The following SYNPO2 variants were observed in gnomAD, a reference collection of about 807,000 sequenced individuals.
The protein encoded by SYNPO2 is synaptopodin 2.
In SYNPO2, 56 loss-of-function variants were observed where a neutral mutation model predicts 85.0. The ratio of observed to expected loss-of-function variants is 0.66; its 90% CI spans 0.53 to 0.82. The LOEUF (loss-of-function observed/expected upper bound fraction) is 0.82. Ranked by LOEUF, SYNPO2 falls within the 40% of genes least tolerant of loss-of-function variation. SYNPO2 has a pLI of 0.00. For synonymous variants in SYNPO2, 602 were observed against 591.1 expected (o/e 1.02, Z -0.27); for missense variants, 1,575 against 1,534.2 (o/e 1.03, Z -0.44).
chr4:118,978,861 AC>A (rs1358485877), intron 1 of SYNPO2, among the ~76,000 whole-genome samples: 1 of 151,702 alleles, frequency 6.6e-6, no homozygotes. Flanking sequence ...AGTGCCTGTA[AC>A]CTTTTTATGT....
Position 118,995,479 on chromosome 4 carries a change from T to A in SYNPO2, c.106-27951T>A, listed in dbSNP as rs1156726726. Among the ~76,000 whole-genome samples, 3 of 152,212 alleles carry A rather than the reference T, an allele frequency of 2.0e-5. No homozygotes were observed. The East Asian group carries it at 5.8e-4, about 29-fold the overall frequency. ...AAGATAGGCATATTATTTCCAATTT[T>A]ACAAATGAGAAAAACCAAAGTTTGT... On this transcript the variant is annotated intron_variant, in intron 1 of 4. Coordinates refer to ENST00000307142, the MANE Select transcript of SYNPO2 (RefSeq NM_133477.3).
At position 119,023,525 on chromosome 4, in the gene SYNPO2, T is replaced by G. The variant is rs1737820071; in HGVS notation, c.201T>G (p.Pro67=). The G allele has an allele frequency of 4.3e-6, 7 of 1,613,680 alleles. No individual in the cohort carries two copies. Among genetic ancestry groups the G allele is most frequent in the Non-Finnish European group, 5.9e-6 (7 of 1,179,796 alleles). ...NGNPCADLTY[P]EVIKLMESIT... is the part of the protein sequence containing the mutation. ...ACCCTTGTGCAGATCTCACCTACCC[T>G]GAAGTCATCAAGCTCATGGAAAGCA... The change falls in exon 2 of 5, where the codon CCT becomes CCG. Residue 67 remains proline, a synonymous_variant. Coordinates refer to ENST00000307142, the MANE Select transcript of SYNPO2 (RefSeq NM_133477.3).
chr4:118,857,706 C>A (rs1731530526), intron 1 of SYNPO2, among the ~76,000 whole-genome samples: 1 of 152,200 alleles, frequency 6.6e-6, no homozygotes, highest in East Asian at 1.9e-4. Flanking sequence ...TAAGTTTGTA[C>A]TTAATTTCTA....
At chr4:118,906,452 T>C (rs902818322) in intron 1 of SYNPO2, among the ~76,000 whole-genome samples, 2 of 152,210 alleles carry the variant, frequency 1.3e-5, no homozygotes, top group African/African-American at 4.8e-5. Context: ...TACCTGGCTC[T>C]CAGTTGCTCT....
At chr4:118,884,267 T>C (rs1260555134), upstream of SYNPO2, among the ~76,000 whole-genome samples, 2 of 152,188 alleles carry the variant, frequency 1.3e-5, no homozygotes, top group Admixed American at 6.5e-5. Flanking sequence ...ATAGAAGCAC[T>C]AGAGACCCAT....
intron 1 of SYNPO2, among the ~76,000 whole-genome samples, chr4:118,900,663 TTCTCTCTCTCTCTCTC>T (rs376467151): frequency 1.9e-3 from 151 of 77,532 alleles, no homozygotes; most frequent in African/African-American, 5.7e-3. Context: ...TAGAATCTCT[TTCTCTCTCTCTCTCTC>T]TCTCTCTCTC....
At chr4:119,041,835 T>C (rs1416614277) in intron 4 of SYNPO2, among the ~76,000 whole-genome samples, 1 of 152,204 alleles carries the variant, frequency 6.6e-6, no homozygotes, top group Non-Finnish European at 1.5e-5. Flanking sequence ...ACCTTAGAGA[T>C]AGCCCCACCT....
At chr4:118,857,760 T>G (rs557146361) in intron 1 of SYNPO2, among the ~76,000 whole-genome samples, 2 of 152,378 alleles carry the variant, frequency 1.3e-5, no homozygotes, top group East Asian at 3.9e-4. Flanking sequence ...TGTAGATTTT[T>G]CTAGAAGTAT....
chr4:118,965,600 C>CACAGT (rs1402624161), intron 1 of SYNPO2, among the ~76,000 whole-genome samples: 2 of 152,174 alleles, frequency 1.3e-5, no homozygotes, highest in African/African-American at 4.8e-5. Context: ...ATTATGGTTA[C>CACAGT]ACAGTATTGT....
At chr4:118,933,210 A>G (rs1733987806) in intron 1 of SYNPO2, among the ~76,000 whole-genome samples, 1 of 152,214 alleles carries the variant, frequency 6.6e-6, no homozygotes, top group Non-Finnish European at 1.5e-5. Flanking sequence ...GTTGGACTAT[A>G]TCAAGTTCAA....
chr4:118,857,367 A>G (rs1439285569), intron 1 of SYNPO2, among the ~76,000 whole-genome samples: 1 of 152,192 alleles, frequency 6.6e-6, no homozygotes, highest in Non-Finnish European at 1.5e-5. Context: ...TAAAATGATG[A>G]CCATATTAAA....
At chr4:118,860,886 T>G (rs1731597721) in intron 1 of SYNPO2, among the ~76,000 whole-genome samples, 1 of 152,198 alleles carries the variant, frequency 6.6e-6, no homozygotes. Context: ...TATTCTATTT[T>G]TTTTCCTATA....
chr4:118,871,190 C>T (rs78161283), intron 1 of SYNPO2, among the ~76,000 whole-genome samples: 6,527 of 152,270 alleles, frequency 0.043, 175 homozygotes, highest in Non-Finnish European at 0.053. Context: ...CTCCACATGA[C>T]AGATAGCTTT....
chr4:118,854,956 A>G (rs932216011), intron 1 of SYNPO2, among the ~76,000 whole-genome samples: 2 of 152,106 alleles, frequency 1.3e-5, no homozygotes, highest in South Asian at 4.1e-4. Context: ...ATTTTTGTAA[A>G]TGGAGCTAAG....
intron 1 of SYNPO2, among the ~76,000 whole-genome samples, chr4:118,896,796 G>A (rs1317302873): frequency 6.6e-6 from 1 of 152,184 alleles, no homozygotes; most frequent in Non-Finnish European, 1.5e-5. Context: ...ACAGCAAATT[G>A]TGGTGGAATT....
chr4:118,965,922 A>AT (rs1273959328), intron 1 of SYNPO2, among the ~76,000 whole-genome samples: 195 of 124,520 alleles, frequency 1.6e-3, no homozygotes, highest in Middle Eastern at 0.013. Context: ...TCACTACAAG[A>AT]TTTTTTTTAA....
chr4:118,933,328 G>A (rs1028265361), intron 1 of SYNPO2, among the ~76,000 whole-genome samples: 2 of 152,140 alleles, frequency 1.3e-5, no homozygotes, highest in African/African-American at 4.8e-5. Context: ...AGCATTTTGG[G>A]CAAACAGGCA....
At chr4:118,865,457 G>A (rs1360612271) in intron 1 of SYNPO2, among the ~76,000 whole-genome samples, 1 of 152,228 alleles carries the variant, frequency 6.6e-6, no homozygotes. Context: ...TTAAAATCTT[G>A]TGGAGCATAT....
At chr4:118,933,285 A>C (rs1007812189) in intron 1 of SYNPO2, among the ~76,000 whole-genome samples, 4 of 152,218 alleles carry the variant, frequency 2.6e-5, no homozygotes, top group Admixed American at 6.5e-5. Flanking sequence ...TTTTTATTGC[A>C]GTGCCATATG....
Sources: allele counts gnomAD v4.1 joint callset (sites outside exome capture counted in the v4.1 genomes callset), GRCh38; gene constraint gnomAD v4.1.1; transcripts MANE v1.5; gene names NCBI Gene and HGNC (gene_info 2026-07-23, HGNC 2026-07-21).